Variants in NDUFAF2 observed in about 807,000 individuals in gnomAD.
NDUFAF2 encodes the protein NADH:ubiquinone oxidoreductase complex assembly factor 2.
NDUFAF2 carries 13 observed loss-of-function variants against 22.8 expected under a neutral mutation model. The ratio of observed to expected loss-of-function variants is 0.57; its 90% CI spans 0.37 to 0.91. The LOEUF (loss-of-function observed/expected upper bound fraction) is 0.91, where lower values mean the gene tolerates loss of function less well. NDUFAF2 is among the 40% of genes least tolerant of loss of function. The pLI, the probability that NDUFAF2 is intolerant of heterozygous loss-of-function variation, is 0.01. For missense variants in NDUFAF2, 162 were observed against 195.2 expected, an observed-to-expected ratio of 0.83 and a Z score of 1.01; for synonymous variants, 53 against 64.2, an observed-to-expected ratio of 0.83 and a Z score of 0.84.
At chr5:60,970,566 T>C (rs572716876) in intron 1 of NDUFAF2, among the ~76,000 whole-genome samples, 1 of 152,328 alleles carries the variant, frequency 6.6e-6, no homozygotes, top group South Asian at 2.1e-4. Context: ...CACAACTTAA[T>C]TTATTTATCA....
intron 2 of NDUFAF2, among the ~76,000 whole-genome samples, chr5:61,077,793 GAA>G (rs1210073066): frequency 6.6e-6 from 1 of 152,138 alleles, no homozygotes; most frequent in Admixed American, 6.5e-5. Flanking sequence ...AGTGATAGCA[GAA>G]AAAGAGTCTG....
intron 1 of NDUFAF2, among the ~76,000 whole-genome samples, chr5:61,068,628 T>C (rs938759243): frequency 6.6e-6 from 1 of 152,124 alleles, no homozygotes; most frequent in Non-Finnish European, 1.5e-5. Flanking sequence ...TTTTTTCTAC[T>C]TTTTGGTATT....
At chr5:61,022,561 T>C (rs1184121526) in intron 1 of NDUFAF2, among the ~76,000 whole-genome samples, 1 of 152,242 alleles carries the variant, frequency 6.6e-6, no homozygotes, top group Non-Finnish European at 1.5e-5. Context: ...CTTTTCTTTG[T>C]AGATAATCTG....
rs1219478887 is a variant in NDUFAF2 at position 60,971,031 on chromosome 5, A to G, written c.127+25649A>G. On this transcript the variant is annotated intron_variant, in intron 1 of 3. Coordinates refer to ENST00000296597, the MANE Select transcript of NDUFAF2 (RefSeq NM_174889.5). ...GAGTGGTGGTTCTGTTATTTATTGA[A>G]TAGTTATTTATAATTTGTCTTTATT... 2.0e-5 allele frequency among the ~76,000 whole-genome samples: 3 copies of G among 151,912 alleles called. No individual in the cohort carries two copies. In the East Asian group the frequency reaches 5.8e-4, roughly 29 times the overall value.
At chr5:61,076,374 G>A (rs551822768) in intron 2 of NDUFAF2, among the ~76,000 whole-genome samples, 2 of 152,202 alleles carry the variant, frequency 1.3e-5, no homozygotes, top group Admixed American at 6.5e-5. Flanking sequence ...GCGCCCGGCC[G>A]TTTTGCAGTT....
intron 1 of NDUFAF2, among the ~76,000 whole-genome samples, chr5:61,070,415 TGAG>T (rs1752280839): frequency 6.6e-6 from 1 of 152,114 alleles, no homozygotes; most frequent in African/African-American, 2.4e-5. Flanking sequence ...AGTGATTTAT[TGAG>T]GAGATAAACA....
At chr5:61,001,729 G>T (rs1452820873) in intron 1 of NDUFAF2, among the ~76,000 whole-genome samples, 2 of 151,876 alleles carry the variant, frequency 1.3e-5, no homozygotes, top group Non-Finnish European at 2.9e-5. Context: ...TTGTTCTCTT[G>T]CTCCTTTCTC....
intron 1 of NDUFAF2, among the ~76,000 whole-genome samples, chr5:60,974,590 T>A (rs1750877109): frequency 2.0e-5 from 3 of 152,090 alleles, no homozygotes; most frequent in Admixed American, 6.5e-5. Context: ...TGAGCTCAGG[T>A]AATCCACCCT....
intron 1 of NDUFAF2, among the ~76,000 whole-genome samples, chr5:61,000,193 T>C (rs998339284): frequency 2.0e-5 from 3 of 152,128 alleles, no homozygotes; most frequent in Non-Finnish European, 4.4e-5. Context: ...ACAAAAAAGA[T>C]GAACAAGGGA....
chr5:60,958,581 T>A (rs1750647319), intron 1 of NDUFAF2, among the ~76,000 whole-genome samples: 1 of 152,156 alleles, frequency 6.6e-6, no homozygotes, highest in Non-Finnish European at 1.5e-5. Flanking sequence ...TTGTTATGTT[T>A]CTGAATACTT....
intron 3 of NDUFAF2, among the ~76,000 whole-genome samples, chr5:61,111,920 G>A (rs1472584832): frequency 6.6e-6 from 1 of 151,014 alleles, no homozygotes; most frequent in Non-Finnish European, 1.5e-5. Flanking sequence ...GCCCAGCCTA[G>A]TTTTTTTGTA....
chr5:61,005,793 A>AT (rs1461542443), intron 1 of NDUFAF2, among the ~76,000 whole-genome samples: 9 of 150,572 alleles, frequency 6.0e-5, no homozygotes, highest in Admixed American at 6.0e-4. Flanking sequence ...GGGTTGTTTG[A>AT]TTTTTTCTTG....
chr5:61,140,428 C>T (rs1377168559), intron 3 of NDUFAF2, among the ~76,000 whole-genome samples: 1 of 152,126 alleles, frequency 6.6e-6, no homozygotes, highest in Non-Finnish European at 1.5e-5. Flanking sequence ...TTGCCAGAGT[C>T]ATCTTTTTTA....
intron 1 of NDUFAF2, among the ~76,000 whole-genome samples, chr5:61,008,578 C>T (rs1007645828): frequency 9.9e-5 from 15 of 152,138 alleles, no homozygotes; most frequent in African/African-American, 2.2e-4. Context: ...CTATAAAATG[C>T]GGATGATTTC....
intron 1 of NDUFAF2, among the ~76,000 whole-genome samples, chr5:61,055,620 A>C (rs1442459608): frequency 6.6e-6 from 1 of 152,200 alleles, no homozygotes; most frequent in Non-Finnish European, 1.5e-5. Context: ...TGCTATTGTC[A>C]CAGAATAGTT....
chr5:61,101,374 T>G (rs1752703722), intron 3 of NDUFAF2, among the ~76,000 whole-genome samples: 1 of 152,202 alleles, frequency 6.6e-6, no homozygotes, highest in East Asian at 1.9e-4. Context: ...TTCACCTAAA[T>G]GTACATTATA....
At chr5:60,980,765 A>C (rs1430927744) in intron 1 of NDUFAF2, among the ~76,000 whole-genome samples, 1 of 152,102 alleles carries the variant, frequency 6.6e-6, no homozygotes, top group Non-Finnish European at 1.5e-5. Flanking sequence ...AAAAGCAGAA[A>C]TTCTGGAGTT....
At chr5:61,013,724 T>G (rs1342571004) in intron 1 of NDUFAF2, among the ~76,000 whole-genome samples, 2 of 151,854 alleles carry the variant, frequency 1.3e-5, no homozygotes, top group Non-Finnish European at 2.9e-5. Context: ...TTGGTAGAGT[T>G]AGGAATTCCT....
At chr5:61,135,153 G>A (rs1369465969) in intron 3 of NDUFAF2, among the ~76,000 whole-genome samples, 5 of 148,054 alleles carry the variant, frequency 3.4e-5, no homozygotes, top group African/African-American at 2.5e-5. Context: ...AAAAAAAAAA[G>A]CATATTTCCT....
Sources: allele counts gnomAD v4.1 joint callset (sites outside exome capture counted in the v4.1 genomes callset), GRCh38; gene constraint gnomAD v4.1.1; transcripts MANE v1.5; gene names NCBI Gene and HGNC (gene_info 2026-07-23, HGNC 2026-07-21).